The following OPCML variants were observed in gnomAD, a reference collection of about 807,000 sequenced individuals.
OPCML encodes the protein opioid binding protein/cell adhesion molecule like, also known as opioid-binding protein/cell adhesion molecule.
A neutral mutation model predicts 37.8 loss-of-function variants in OPCML; 13 were observed. The observed-to-expected ratio is 0.34, with a 90% confidence interval of 0.22 to 0.55. The LOEUF (loss-of-function observed/expected upper bound fraction) is 0.55, where lower values mean the gene tolerates loss of function less well. OPCML is among the 20% of genes least tolerant of loss of function. The pLI is 0.91. For missense variants in OPCML, 341 were observed against 435.6 expected (o/e 0.78, Z 1.93); for synonymous variants, 176 against 168.8 (o/e 1.04, Z -0.33).
At chr11:133,516,456 C>T (rs573842574) in intron 1 of OPCML, among the ~76,000 whole-genome samples, 2 of 152,312 alleles carry the variant, frequency 1.3e-5, no homozygotes, top group East Asian at 3.9e-4. Flanking sequence ...TGGGGCTGGA[C>T]TCCAGTCACT....
At chr11:133,390,200 T>C (rs1017965357) in intron 1 of OPCML, among the ~76,000 whole-genome samples, 1 of 152,208 alleles carries the variant, frequency 6.6e-6, no homozygotes, top group African/African-American at 2.4e-5. Flanking sequence ...GGCTCACGCC[T>C]GTAATCCCGG....
At chr11:133,135,070 T>C (rs1265249891) in intron 1 of OPCML, among the ~76,000 whole-genome samples, 2 of 152,294 alleles carry the variant, frequency 1.3e-5, no homozygotes, top group East Asian at 3.9e-4. Context: ...AAAAGGAAAT[T>C]TCTGGAAAAA....
intron 2 of OPCML, among the ~76,000 whole-genome samples, chr11:132,682,283 C>T (rs889996582): frequency 5.3e-5 from 8 of 152,132 alleles, no homozygotes; most frequent in African/African-American, 9.7e-5. Flanking sequence ...AGGTTTCTAA[C>T]CTAAGCTGAC....
In OPCML at chr11:133,140,919, A is replaced by C. The variant is rs1258089151; in HGVS notation, c.62-197909T>G. On this transcript the variant is annotated intron_variant, in intron 1 of 7. Transcript: ENST00000524381. ...AAGACGACGACGACGAAGAAGAAGA[A>C]GACGACGACGACGAAGAAGAAGAAG... is the stretch of plus-strand genomic sequence containing the variant. Among the ~76,000 whole-genome samples the C allele has an allele frequency of 1.0e-3, 18 of 17,624 alleles. 2 individuals are homozygous for C. Among genetic ancestry groups the C allele is most frequent in the African/African-American group, 1.3e-3 (12 of 8,974 alleles). The allele number at this position is 17,624 out of a possible 152,430, so 11.6% of individuals were successfully genotyped here. A position where few individuals can be genotyped will look rare whatever the true frequency, so the allele number is the denominator to read the frequency against.
chr11:133,236,885 T>C lies in OPCML; in HGVS notation c.62-293875A>G, dbSNP rs188992705. ...CATTCCAGCTAGTGGAAACCGGACA[T>C]AGCAGTAGGGAGGATGCGTCAGGTT... is the stretch of plus-strand genomic sequence containing the variant. On this transcript the variant is annotated intron_variant, in intron 1 of 7. Coordinates refer to ENST00000524381, the MANE Select transcript of OPCML (RefSeq NM_001012393.5). 1.5e-3 allele frequency among the ~76,000 whole-genome samples: 224 copies of C among 152,332 alleles called. 5 individuals carry two copies. The highest frequency in any genetic ancestry group is 0.01 in the Middle Eastern group (3 of 294).
intron 2 of OPCML, among the ~76,000 whole-genome samples, chr11:132,779,445 T>C (rs192658062): frequency 3.0e-4 from 45 of 152,148 alleles, no homozygotes; most frequent in African/African-American, 1.0e-3. Context: ...CCTGAAACTG[T>C]GTTCATATTG....
At chr11:132,558,945 C>T (rs2096404363) in intron 3 of OPCML, among the ~76,000 whole-genome samples, 1 of 152,130 alleles carries the variant, frequency 6.6e-6, no homozygotes, top group African/African-American at 2.4e-5. Context: ...CAGAGCACAG[C>T]TCATGGCTGA....
At chr11:133,426,366 CAGGAAAAA>C (rs1327669500) in intron 1 of OPCML, among the ~76,000 whole-genome samples, 2 of 151,848 alleles carry the variant, frequency 1.3e-5, no homozygotes, top group Non-Finnish European at 2.9e-5. Context: ...TGAGACACTG[CAGGAAAAA>C]AGGAAAAAAG....
intron 1 of OPCML, among the ~76,000 whole-genome samples, chr11:133,217,336 T>A (rs1228136250): frequency 6.6e-6 from 1 of 152,220 alleles, no homozygotes; most frequent in East Asian, 1.9e-4. Context: ...ATGGGCAGAA[T>A]TGGGGTCCCA....
At position 132,744,710 on chromosome 11, in the gene OPCML, G is replaced by A. The variant is rs777823613; in HGVS notation, c.147-87391C>T. ...ACTCCACTAGGAAATATACAGAGAT[G>A]TAAGAACCCAAGACAATATATAAGC... is the stretch of plus-strand genomic sequence containing the variant. On this transcript the variant is annotated intron_variant, in intron 2 of 7. Coordinates refer to ENST00000524381, the MANE Select transcript of OPCML (RefSeq NM_001012393.5). 2.0e-5 allele frequency among the ~76,000 whole-genome samples: 3 copies of A among 152,346 alleles called. No homozygotes were observed. The South Asian group carries it at 6.2e-4, about 32-fold the overall frequency.
intron 3 of OPCML, among the ~76,000 whole-genome samples, chr11:132,544,994 T>C (rs1293597111): frequency 1.3e-5 from 2 of 152,220 alleles, no homozygotes; most frequent in Non-Finnish European, 2.9e-5. Context: ...TCATCATACA[T>C]TCCAGAGTCT....
intron 3 of OPCML, among the ~76,000 whole-genome samples, chr11:132,619,785 G>C (rs1323343345): frequency 2.0e-5 from 3 of 148,530 alleles, no homozygotes; most frequent in African/African-American, 7.5e-5. Context: ...CCGGGAGGCG[G>C]AGCTTGCAGC....
At position 132,945,246 on chromosome 11, in the gene OPCML, G is replaced by A. The variant is rs78301549; in HGVS notation, c.62-2236C>T. On this transcript the variant is annotated intron_variant, in intron 1 of 7. Transcript: ENST00000524381. ...TGTCATTGTGTGACTATCCTAGTGT[G>A]TACTTCCATAAACCTAGATGACACA... Among the ~76,000 whole-genome samples, 1,300 of 152,350 alleles carry A rather than the reference G, an allele frequency of 8.5e-3. 5 individuals carry two copies. Among genetic ancestry groups the A allele is most frequent in the Middle Eastern group, 0.014 (4 of 294 alleles).
rs561252851 is a variant in OPCML at position 132,661,727 on chromosome 11, C to A, written c.147-4408G>T. Among the ~76,000 whole-genome samples, 8 of 152,358 alleles carry A rather than the reference C, an allele frequency of 5.3e-5. No individual in the cohort carries two copies. In the East Asian group the frequency reaches 1.5e-3, roughly 29 times the overall value. Reference sequence around the variant, plus strand: ...CCTACTGATCCTTGATAAAACAGAACTCATTACAACTACATCACAAGTAAC... The same window carrying A: ...CCTACTGATCCTTGATAAAACAGAAATCATTACAACTACATCACAAGTAAC... On this transcript the variant is annotated intron_variant, in intron 2 of 7. Transcript: ENST00000524381.
At chr11:133,460,522 T>A (rs547058115) in intron 1 of OPCML, among the ~76,000 whole-genome samples, 1 of 151,942 alleles carries the variant, frequency 6.6e-6, no homozygotes, top group South Asian at 2.1e-4. Flanking sequence ...TTATTGTCAA[T>A]TTGACAGAAA....
At chr11:132,546,484 T>C (rs888075208) in intron 3 of OPCML, among the ~76,000 whole-genome samples, 1 of 152,152 alleles carries the variant, frequency 6.6e-6, no homozygotes, top group Non-Finnish European at 1.5e-5. Context: ...TCTTATGCCT[T>C]TGCATCCTCA....
At chr11:133,341,811 G>A (rs1369060656) in intron 1 of OPCML, among the ~76,000 whole-genome samples, 4 of 152,040 alleles carry the variant, frequency 2.6e-5, no homozygotes, top group Admixed American at 1.3e-4. Flanking sequence ...CCAGCTACTC[G>A]GGAGGCTGAG....
intron 1 of OPCML, among the ~76,000 whole-genome samples, chr11:133,183,398 C>A (rs1162063544): frequency 2.0e-5 from 3 of 152,140 alleles, no homozygotes; most frequent in African/African-American, 7.2e-5. Flanking sequence ...GTTCCTAAAC[C>A]TGTAGGATTT....
intron 1 of OPCML, among the ~76,000 whole-genome samples, chr11:133,241,978 T>G (rs1940749257): frequency 6.6e-6 from 1 of 152,256 alleles, no homozygotes; most frequent in South Asian, 2.1e-4. Flanking sequence ...CCAACATCTT[T>G]TTCTGCAATC....
Sources: gnomAD v4.1 joint callset for allele counts (sites outside exome capture counted in the v4.1 genomes callset) on GRCh38, gnomAD v4.1.1 for gene constraint, MANE v1.5 for transcripts, NCBI Gene and HGNC (gene_info 2026-07-23, HGNC 2026-07-21) for gene names.